The following ADAR variants were observed in gnomAD, a reference collection of about 807,000 sequenced individuals.
ADAR encodes the protein adenosine deaminase RNA specific, also known as double-stranded RNA-specific adenosine deaminase.
Under a neutral mutation model 113.2 loss-of-function variants are expected in ADAR, and 41 were observed. The ratio of observed to expected loss-of-function variants is 0.36; its 90% confidence interval spans 0.28 to 0.47. ADAR has a LOEUF of 0.47. ADAR is among the 20% of genes least tolerant of loss of function. The pLI is 1.00. For synonymous variants in ADAR, 605 were observed against 572.6 expected (o/e 1.06, Z -0.81); for missense variants, 1,242 against 1,540.9 (o/e 0.81, Z 3.25).
intron 1 of ADAR, among the ~76,000 whole-genome samples, chr1:154,603,851 C>A (rs1441026033): frequency 6.6e-6 from 1 of 152,142 alleles, no homozygotes; most frequent in Non-Finnish European, 1.5e-5. Context: ...AGAGGTGGGA[C>A]CCTTTCTTCC....
chr1:154,588,475 G>T (rs958509680), intron 10 of ADAR, 76 bp downstream of exon 10: 2 of 1,593,912 alleles, frequency 1.3e-6, no homozygotes, highest in African/African-American at 2.7e-5. Context: ...CGATTTACAG[G>T]CCAGGAGAGC....
chr1:154,607,248 T>C (rs1334051516), intron 1 of ADAR, among the ~76,000 whole-genome samples: 1 of 152,176 alleles, frequency 6.6e-6, no homozygotes, highest in Admixed American at 6.5e-5. Flanking sequence ...GTGCTTAGCA[T>C]AACGCACTTG....
Position 154,589,781 on chromosome 1 carries a change from C to T in ADAR, c.2644G>A (p.Gly882Ser), listed in dbSNP as rs753592604. 2.5e-6 allele frequency: 4 copies of T among 1,613,962 alleles called. No individual in the cohort carries two copies. In the South Asian group the frequency reaches 3.3e-5, roughly 13 times the overall value. Reference sequence around the variant, plus strand: ...CCTGTTCCCAAGCTGACGACGACACCCATGTCCTCAGAGTCTTTTTTCATA... The same window carrying T: ...CCTGTTCCCAAGCTGACGACGACACTCATGTCCTCAGAGTCTTTTTTCATA... Reference protein sequence around the residue: ...IIMKKDSEDMGVVVSLGTGNR... With the variant: ...IIMKKDSEDMSVVVSLGTGNR... The change falls in exon 8 of 15, where the codon GGT becomes AGT. Residue 882 changes from glycine (G) to serine (S), a missense_variant. Gly to Ser is a moderately conservative substitution (Grantham distance 56, BLOSUM62 0). This residue lies in a region of ADAR where 780 missense variants were observed against 1,057.9 expected (regional missense o/e 0.74). Coordinates refer to ENST00000368474, the MANE Select transcript of ADAR (RefSeq NM_001111.5).
At chr1:154,615,831 A>T (rs1254163894) in intron 1 of ADAR, among the ~76,000 whole-genome samples, 1 of 152,176 alleles carries the variant, frequency 6.6e-6, no homozygotes, top group Non-Finnish European at 1.5e-5. Context: ...TTATATTTTT[A>T]AAATGATGAA....
chr1:154,627,250 C>G (rs1455279324), intron 1 of ADAR, among the ~76,000 whole-genome samples: 1 of 152,242 alleles, frequency 6.6e-6, no homozygotes, highest in Non-Finnish European at 1.5e-5. Context: ...GAGGAGGTGA[C>G]GCAACTAGGC....
At chr1:154,588,064 T>A in intron 11 of ADAR, 61 bp downstream of exon 11, 2 of 1,608,004 alleles carry the variant, frequency 1.2e-6, no homozygotes, top group Non-Finnish European at 1.7e-6. Context: ...TGTAGAGACT[T>A]GGGGTCCCTG....
Position 154,584,827 on chromosome 1 carries a change from G to A in ADAR, c.3660C>T (p.Asn1220=). Residue 1220 remains asparagine, a synonymous_variant, in exon 15 of 15, where the codon AAC becomes AAT. Coordinates refer to ENST00000368474, the MANE Select transcript of ADAR (RefSeq NM_001111.5). ...CATACTATACTGGGCAGAGATAAAAGTTCTTTTCCTCCTGGGGTTTGCTAA... is the reference window on the plus strand; with the variant it reads ...CATACTATACTGGGCAGAGATAAAAATTCTTTTCCTCCTGGGGTTTGCTAA... ...NWISKPQEEK[N]FYLCPV 3 of 1,613,988 alleles carry A rather than the reference G, an allele frequency of 1.9e-6. No homozygotes were observed. The highest frequency in any genetic ancestry group is 2.2e-5 in the South Asian group (2 of 91,078).
intron 2 of ADAR, among the ~76,000 whole-genome samples, chr1:154,599,270 T>C (rs1326069163): frequency 6.6e-6 from 1 of 152,254 alleles, no homozygotes; most frequent in Non-Finnish European, 1.5e-5. Flanking sequence ...GTGAGCTCTT[T>C]GCTCAGTCTG....
chr1:154,585,924 C>T, intron 12 of ADAR, 59 bp from the exon 13 acceptor site: 1 of 1,472,800 alleles, frequency 6.8e-7, no homozygotes, highest in Admixed American at 1.8e-5. Flanking sequence ...TGTTAAGAGG[C>T]AGAAGCATGT....
chr1:154,616,756 C>T (rs9427104), intron 1 of ADAR, among the ~76,000 whole-genome samples: 63,120 of 152,118 alleles, frequency 0.41, 14,032 homozygotes, highest in East Asian at 0.53. Context: ...ATGCGCATTT[C>T]CCTCAAGAGA....
upstream of ADAR, among the ~76,000 whole-genome samples, chr1:154,610,680 T>C (rs751307230): frequency 6.6e-6 from 1 of 151,790 alleles, no homozygotes; most frequent in Admixed American, 6.6e-5. Context: ...CATGGTGGCG[T>C]GTGCCTGTAG....
chr1:154,620,173 C>A (rs1220462219), intron 1 of ADAR, among the ~76,000 whole-genome samples: 2 of 152,172 alleles, frequency 1.3e-5, no homozygotes, highest in Non-Finnish European at 2.9e-5. Flanking sequence ...CTTTGGGAGG[C>A]CAAGGCGGGT....
chr1:154,620,997 C>G (rs1169981542), intron 1 of ADAR, among the ~76,000 whole-genome samples: 1 of 152,134 alleles, frequency 6.6e-6, no homozygotes, highest in African/African-American at 2.4e-5. Context: ...GACAGCCACA[C>G]ATAAATATCT....
rs12024727 is a variant in ADAR, at chr1:154,606,643, G to A, written c.15+1349C>T. On this transcript the variant is annotated intron_variant, in intron 1 of 14. Coordinates refer to ENST00000368474, the MANE Select transcript of ADAR (RefSeq NM_001111.5). ...CCCCTAAACACCAAGCCACCGTTGA[G>A]TACAGCCATTTGGAAAGCTACGGAA... Among the ~76,000 whole-genome samples the A allele has an allele frequency of 1.3e-3, 198 of 152,218 alleles. 5 individuals are homozygous for A. In the East Asian group the frequency reaches 0.036, roughly 28 times the overall value.
chr1:154,612,039 A>T (rs1401254168), upstream of ADAR, among the ~76,000 whole-genome samples: 1 of 152,170 alleles, frequency 6.6e-6, no homozygotes, highest in Non-Finnish European at 1.5e-5. Context: ...GTAATTGTTA[A>T]TTTGGTTTGT....
intron 3 of ADAR, 98 bp downstream of exon 3, chr1:154,598,304 G>T: frequency 7.5e-7 from 1 of 1,334,030 alleles, no homozygotes; most frequent in Non-Finnish European, 1.1e-6. Context: ...ACTCCGAGAT[G>T]GTGTCAGTTG....
intron 6 of ADAR, among the ~76,000 whole-genome samples, chr1:154,591,847 C>A (rs193081354): frequency 6.6e-6 from 1 of 152,332 alleles, no homozygotes; most frequent in South Asian, 2.1e-4. Flanking sequence ...TCCATGCTGG[C>A]AGGCCCGTGC....
At position 154,602,122 on chromosome 1, in the gene ADAR, G is replaced by A. The variant is rs745334317; in HGVS notation, c.520C>T (p.Arg174Ter). 1.9e-6 allele frequency: 3 copies of A among 1,614,210 alleles called. No homozygotes were observed. The highest frequency in any genetic ancestry group is 2.2e-5 in the East Asian group (1 of 44,884). Residue 174 changes from arginine (R) to a stop codon, truncating the protein, a stop_gained, in exon 2 of 15, where the codon CGA becomes TGA. Transcript: ENST00000368474. LOFTEE classifies it high-confidence loss of function. ...TTCTTTGCCAGGGAGTATAAAACTC[G>A]ATTGATTTCTTTCTTCGGAGTCCCA... ...KLGTPKKEINRVLYSLAKKGK... is the reference protein window; with the variant it reads ...KLGTPKKEIN
upstream of ADAR, among the ~76,000 whole-genome samples, chr1:154,611,571 AAC>A (rs1698488469): frequency 6.6e-6 from 1 of 152,216 alleles, no homozygotes; most frequent in African/African-American, 2.4e-5. Flanking sequence ...CAGACAAGCA[AAC>A]ACAATAAAAA....
Sources: gnomAD v4.1 joint callset for allele counts (sites outside exome capture counted in the v4.1 genomes callset) on GRCh38, gnomAD v4.1.1 for gene constraint, gnomAD v4.1.1 regional missense constraint, MANE v1.5 for transcripts, NCBI Gene and HGNC (gene_info 2026-07-23, HGNC 2026-07-21) for gene names.